The following ZFYVE19 variants were observed in gnomAD, a reference collection of about 807,000 sequenced individuals.
ZFYVE19 encodes zinc finger FYVE-type containing 19.
In ZFYVE19, 49 loss-of-function variants were observed where a neutral mutation model predicts 62.8. The observed-to-expected ratio is 0.78, with a 90% confidence interval of 0.62 to 0.99. ZFYVE19 has a LOEUF of 0.99. Among genes scored for constraint, ZFYVE19 ranks in the 50% least tolerant of loss-of-function variants. The pLI is 0.00. For synonymous variants in ZFYVE19, 242 were observed against 234.3 expected (o/e 1.03, Z -0.30); for missense variants, 630 against 601.9 (o/e 1.05, Z -0.49).
intron 1 of ZFYVE19, 125 bp from the exon 2 acceptor site, chr15:40,808,994 C>G (rs1184892568): frequency 7.5e-6 from 11 of 1,461,906 alleles, no homozygotes; most frequent in Admixed American, 2.0e-5. Context: ...GGCCCCACTC[C>G]TCTTCTTCCT....
rs760523517 is a variant in ZFYVE19, at chr15:40,810,216, G to A, written c.717G>A (p.Pro239=). The change falls in exon 5 of 11, where the codon CCG becomes CCA. Residue 239 remains proline (P), a splice_region_variant and synonymous_variant. Transcript: ENST00000355341. ...TTCTACCTTCTCAAACCCCCCAGCCGGTGAGTGTTATGGCTTAGGAGAGAA... is the reference window on the plus strand; with the variant it reads ...TTCTACCTTCTCAAACCCCCCAGCCAGTGAGTGTTATGGCTTAGGAGAGAA... ...GRVLPSQTPQ[P]AHHTPDTRTQ... 9.3e-6 allele frequency: 15 copies of A among 1,614,112 alleles called. 1 individual carries two copies. The highest frequency in any genetic ancestry group is 1.6e-4 in the Middle Eastern group (1 of 6,062).
Position 40,814,214 on chromosome 15 carries a change from C to T in ZFYVE19, c.1404C>T (p.Gly468=). ...QTSAYSPPRA[G]QEH is the part of the protein sequence containing the mutation. ...CTGCCTACTCTCCTCCACGTGCAGG[C>T]CAAGAGCACTGAAGACACCCTGGTC... Residue 468 remains glycine (G), a synonymous_variant, in exon 11 of 11, where the codon GGC becomes GGT. Transcript: ENST00000355341. The T allele has an allele frequency of 6.2e-7, 1 of 1,614,168 alleles. No homozygotes were observed. Among genetic ancestry groups the T allele is most frequent in the African/African-American group, 1.3e-5 (1 of 75,042 alleles).
Position 40,807,296 on chromosome 15 carries a change from C to T in ZFYVE19, c.-294C>T. ...AATGAACCTGGAGAGCGGATGCCAG[C>T]AGTGGCCGAGGCGCTAGGACAGGAA... On this transcript the variant is annotated 5_prime_UTR_variant, in exon 1 of 11. An upstream open reading frame in the 5' UTR gains an earlier in-frame stop. Transcript: ENST00000355341. 6.2e-7 allele frequency: 1 copy of T among 1,612,876 alleles called. No individual in the cohort carries two copies. Among genetic ancestry groups the T allele is most frequent in the Non-Finnish European group, 8.5e-7 (1 of 1,179,528 alleles).
In ZFYVE19 at chr15:40,807,480, C is replaced by A. The variant is rs1890283038; in HGVS notation, c.-110C>A. Reference sequence around the variant, plus strand: ...CCTGACGGATTCGTACTACAACTCCCAAGAGTCTAAGCGCGCGTGAGGACT... The same window carrying A: ...CCTGACGGATTCGTACTACAACTCCAAAGAGTCTAAGCGCGCGTGAGGACT... On this transcript the variant is annotated 5_prime_UTR_variant, in exon 1 of 11. Transcript: ENST00000355341. 1.9e-6 allele frequency: 3 copies of A among 1,613,636 alleles called. No homozygotes were observed. Among genetic ancestry groups the A allele is most frequent in the Non-Finnish European group, 2.5e-6 (3 of 1,179,574 alleles).
At chr15:40,813,103 T>C (rs1890548029) in intron 7 of ZFYVE19, among the ~76,000 whole-genome samples, 2 of 152,172 alleles carry the variant, frequency 1.3e-5, no homozygotes, top group Admixed American at 6.5e-5. Context: ...ATTCAGGGGC[T>C]GAGGCTTTCG....
At chr15:40,810,239 G>A in intron 5 of ZFYVE19, 23 bp downstream of exon 5, 1 of 1,612,844 alleles carries the variant, frequency 6.2e-7, no homozygotes. Flanking sequence ...GCTTAGGAGA[G>A]AAGCGGGGGT....
rs934946309 is a variant in ZFYVE19, at chr15:40,809,101, G to A, written c.280-18G>A. 3.1e-6 allele frequency: 5 copies of A among 1,611,938 alleles called. No individual in the cohort carries two copies. Among genetic ancestry groups the A allele is most frequent in the African/African-American group, 1.3e-5 (1 of 74,880 alleles). ...GGGGCGGGTGAGAGGGGGATCTCCC[G>A]CTTCATGTTTCTTGTAGTACGGCTG... On this transcript the variant is annotated intron_variant, in intron 1 of 10. Transcript: ENST00000355341.
At chr15:40,813,689 A>C in intron 8 of ZFYVE19, 24 bp from the exon 9 acceptor site, 1 of 1,600,732 alleles carries the variant, frequency 6.2e-7, no homozygotes. Flanking sequence ...GCAGGGGAGT[A>C]GTACATCTTC....
At chr15:40,808,841 TTATC>T (rs1401086074) in intron 1 of ZFYVE19, 50 of 382,018 alleles carry the variant, frequency 1.3e-4, no homozygotes, top group African/African-American at 2.0e-4. Context: ...ATACTGGGCT[TTATC>T]TATCTGTCTT....
chr15:40,813,840 A>C (rs755335003), intron 9 of ZFYVE19, 29 bp downstream of exon 9: 1 of 1,606,552 alleles, frequency 6.2e-7, no homozygotes, highest in South Asian at 1.1e-5. Context: ...GCAGACCCCC[A>C]GGCTCCCCCC....
chr15:40,809,388 A>T lies in ZFYVE19; in HGVS notation c.402-20A>T, dbSNP rs1025536663. The T allele has an allele frequency of 1.2e-6, 2 of 1,614,116 alleles. No homozygotes were observed. The highest frequency in any genetic ancestry group is 2.2e-5 in the East Asian group (1 of 44,884). ...CTGGTGGGATGGCAGGATTTATAAC[A>T]CTAGATTTCTTCTCTGTAGAGGGTC... On this transcript the variant is annotated intron_variant, in intron 2 of 10. Transcript: ENST00000355341.
At chr15:40,812,556 AAAAAGAAAGAAAGAAAG>A (rs1383047393) in intron 6 of ZFYVE19, 126 bp from the exon 7 acceptor site, 1 of 545,866 alleles carries the variant, frequency 1.8e-6, no homozygotes, top group Non-Finnish European at 2.8e-6. Context: ...AAAAAAAAAA[AAAAAGAAAGAAAGAAAG>A]AAAGAAAGAA....
intron 1 of ZFYVE19, 145 bp downstream of exon 1, chr15:40,808,013 T>A: frequency 8.7e-7 from 1 of 1,154,234 alleles, no homozygotes; most frequent in Non-Finnish European, 1.3e-6. Context: ...TCCATTTCTG[T>A]AAAATGGGGC....
At chr15:40,809,995 C>T in intron 4 of ZFYVE19, 25 bp downstream of exon 4, 1 of 1,614,164 alleles carries the variant, frequency 6.2e-7, no homozygotes, top group Non-Finnish European at 8.5e-7. Context: ...ATGGGGTTGC[C>T]TAGAGGACAC....
chr15:40,814,448 G>A lies in ZFYVE19; in HGVS notation c.*222G>A, dbSNP rs1890608115. ...CTCCTATTAGAAGCCCAGACTGGAA[G>A]TGAGAGGCATGATGGGGAGAGACCA... On this transcript the variant is annotated 3_prime_UTR_variant, in exon 11 of 11. Coordinates refer to ENST00000355341, the MANE Select transcript of ZFYVE19 (RefSeq NM_001077268.2). 5.0e-6 allele frequency: 3 copies of A among 600,090 alleles called. No individual in the cohort carries two copies. Among genetic ancestry groups the A allele is most frequent in the Non-Finnish European group, 8.7e-6 (3 of 342,884 alleles). The allele number at this position is 600,090 out of a possible 1,614,324, so 37.2% of individuals were successfully genotyped here. A position where few individuals can be genotyped will look rare whatever the true frequency, so the allele number is the denominator to read the frequency against.
chr15:40,813,757 C>T lies in ZFYVE19; in HGVS notation c.1155C>T (p.Ile385=), dbSNP rs568372371. Residue 385 remains isoleucine (I), a synonymous_variant, in exon 9 of 11, where the codon ATC becomes ATT. Coordinates refer to ENST00000355341, the MANE Select transcript of ZFYVE19 (RefSeq NM_001077268.2). The part of the protein sequence containing the change: ...ASLDEASGFN[I]PAEQASRPWT... Reference sequence around the variant, plus strand: ...TGGATGAGGCAAGTGGCTTTAACATCCCTGCAGAGCAGGCTTCTCGACCCT... The same window carrying T: ...TGGATGAGGCAAGTGGCTTTAACATTCCTGCAGAGCAGGCTTCTCGACCCT... 21 of 1,614,114 alleles carry T rather than the reference C, an allele frequency of 1.3e-5. No homozygotes were observed. In the Admixed American group the frequency reaches 3.0e-4, roughly 23 times the overall value.
In ZFYVE19 at chr15:40,814,677, A is replaced by T. The variant is rs1053070934; in HGVS notation, c.*451A>T. On this transcript the variant is annotated 3_prime_UTR_variant, in exon 11 of 11. Coordinates refer to ENST00000355341, the MANE Select transcript of ZFYVE19 (RefSeq NM_001077268.2). ...GGGGAATGGGGGAAAAGGTTGAGCC[A>T]TCCTATGAACTTCTCCAGGCAGGAA... 3 of 190,452 alleles carry T rather than the reference A, an allele frequency of 1.6e-5. No homozygotes were observed. The highest frequency in any genetic ancestry group is 7.1e-5 in the African/African-American group (3 of 42,396). The allele number at this position is 190,452 out of a possible 1,614,324, so 11.8% of individuals were successfully genotyped here. A position where few individuals can be genotyped will look rare whatever the true frequency, so the allele number is the denominator to read the frequency against.
intron 1 of ZFYVE19, chr15:40,808,402 C>T: frequency 6.3e-7 from 1 of 1,594,110 alleles, no homozygotes; most frequent in Non-Finnish European, 8.5e-7. Context: ...CAGTTGTGGC[C>T]AGGGATTCTG....
rs368910149 is a variant in ZFYVE19, at chr15:40,810,257, G to A, written c.717+41G>A. 9.3e-6 allele frequency: 15 copies of A among 1,608,552 alleles called. No individual in the cohort carries two copies. In the East Asian group the frequency reaches 1.3e-4, roughly 14 times the overall value. ...TAGGAGAGAAGCGGGGGTGCTAGCG[G>A]GAGGACCCAGCAGAAGCCCAGATAC... is the stretch of plus-strand genomic sequence containing the variant. On this transcript the variant is annotated intron_variant, in intron 5 of 10. Coordinates refer to ENST00000355341, the MANE Select transcript of ZFYVE19 (RefSeq NM_001077268.2).
Sources: allele counts gnomAD v4.1 joint callset (sites outside exome capture counted in the v4.1 genomes callset), GRCh38; gene constraint gnomAD v4.1.1; transcripts MANE v1.5; gene names NCBI Gene and HGNC (gene_info 2026-07-23, HGNC 2026-07-21).